The following CA10 variants were observed in gnomAD, a reference collection of about 807,000 sequenced individuals.
CA10 encodes carbonic anhydrase-related protein 10.
CA10 carries 14 observed loss-of-function variants against 44.2 expected under a neutral mutation model. The observed-to-expected ratio is 0.32, with a 90% CI of 0.21 to 0.50. The LOEUF (loss-of-function observed/expected upper bound fraction) is 0.50, where lower values mean the gene tolerates loss of function less well. CA10 is among the 20% of genes least tolerant of loss of function. The pLI, the probability that CA10 is intolerant of heterozygous loss-of-function variation, is 0.99. For missense variants in CA10, 350 were observed against 409.7 expected (o/e 0.85, Z 1.26); for synonymous variants, 159 against 141.6 (o/e 1.12, Z -0.87).
rs533419734 is a variant in CA10, at chr17:51,992,780, T to A, written c.137-61648A>T. Among the ~76,000 whole-genome samples, 22 of 152,232 alleles carry A rather than the reference T, an allele frequency of 1.4e-4. No individual in the cohort carries two copies. The South Asian group carries it at 4.6e-3, about 32-fold the overall frequency. On this transcript the variant is annotated intron_variant, in intron 2 of 8. Transcript: ENST00000451037. ...ACTAAGGTTCCCAAAGTCCAGAGGC[T>A]GAACTAAAAGATAATGGATAGATGA...
rs760052969 is a variant in CA10 at position 51,920,523 on chromosome 17, G to A, written c.279+10467C>T. On this transcript the variant is annotated intron_variant, in intron 3 of 8. Transcript: ENST00000451037. ...AAGTCCTTTCTAATACCCACAGGAG[G>A]AGTAAAGAATGAGAGAGAATTAGAG... Among the ~76,000 whole-genome samples the A allele has an allele frequency of 6.6e-5, 10 of 152,274 alleles. No individual in the cohort carries two copies. The East Asian group carries it at 1.2e-3, about 18-fold the overall frequency.
At chr17:52,146,893 C>G (rs1307070968) in intron 1 of CA10, among the ~76,000 whole-genome samples, 1 of 152,052 alleles carries the variant, frequency 6.6e-6, no homozygotes, top group Non-Finnish European at 1.5e-5. Flanking sequence ...AACCTTGTGA[C>G]TCCCAAGTCA....
At chr17:51,705,172 C>G (rs947262700) in intron 4 of CA10, among the ~76,000 whole-genome samples, 1 of 152,138 alleles carries the variant, frequency 6.6e-6, no homozygotes, top group Non-Finnish European at 1.5e-5. Context: ...TATGTTCCCT[C>G]TTATTACAAG....
chr17:51,980,403 C>T (rs1984614344), intron 2 of CA10, among the ~76,000 whole-genome samples: 1 of 151,870 alleles, frequency 6.6e-6, no homozygotes, highest in Non-Finnish European at 1.5e-5. Context: ...ATTTAAGTTC[C>T]TTATATATAT....
intron 3 of CA10, among the ~76,000 whole-genome samples, chr17:51,786,791 G>A (rs907608987): frequency 6.6e-6 from 1 of 152,002 alleles, no homozygotes; most frequent in Non-Finnish European, 1.5e-5. Context: ...TCCCCATTCA[G>A]TATGATACTA....
At chr17:51,709,496 G>C (rs868447300) in intron 4 of CA10, among the ~76,000 whole-genome samples, 4 of 152,294 alleles carry the variant, frequency 2.6e-5, no homozygotes, top group Middle Eastern at 3.4e-3. Context: ...CACAACCTTT[G>C]AAGTGCATTC....
intron 4 of CA10, among the ~76,000 whole-genome samples, chr17:51,680,171 T>C (rs28379961): frequency 0.12 from 18,729 of 152,154 alleles, 2,660 homozygotes; most frequent in African/African-American, 0.34. Context: ...TCATTTCCAG[T>C]TGTATTCATC....
chr17:51,669,789 C>T (rs987732722), intron 4 of CA10, among the ~76,000 whole-genome samples: 1 of 152,202 alleles, frequency 6.6e-6, no homozygotes, highest in Admixed American at 6.5e-5. Flanking sequence ...GTAACACTCA[C>T]CGTGAGGGTC....
intron 2 of CA10, among the ~76,000 whole-genome samples, chr17:51,980,494 T>C (rs952461346): frequency 5.9e-5 from 9 of 152,156 alleles, no homozygotes; most frequent in African/African-American, 2.2e-4. Context: ...TGAGAGTTTC[T>C]TTTGCTGTGC....
At chr17:51,815,497 C>A (rs1907530229) in intron 3 of CA10, among the ~76,000 whole-genome samples, 1 of 152,116 alleles carries the variant, frequency 6.6e-6, no homozygotes, top group Admixed American at 6.6e-5. Context: ...GTGAACTCCT[C>A]CCTGCCTCTT....
At chr17:51,692,970 TAGTC>T (rs1178492699) in intron 4 of CA10, among the ~76,000 whole-genome samples, 2 of 152,204 alleles carry the variant, frequency 1.3e-5, no homozygotes, top group African/African-American at 2.4e-5. Flanking sequence ...CAACAGGTCT[TAGTC>T]AGTTGGTTTC....
At chr17:51,676,672 C>T (rs1914635765) in intron 4 of CA10, among the ~76,000 whole-genome samples, 1 of 152,162 alleles carries the variant, frequency 6.6e-6, no homozygotes, top group Admixed American at 6.5e-5. Flanking sequence ...TTAGAGATAG[C>T]TTTTAGTCTT....
intron 3 of CA10, among the ~76,000 whole-genome samples, chr17:51,840,997 G>A (rs1415623714): frequency 6.6e-6 from 1 of 152,282 alleles, no homozygotes; most frequent in East Asian, 1.9e-4. Context: ...GTAATATTCT[G>A]GAAGGCTAAG....
chr17:51,786,822 A>G (rs1337500251), intron 3 of CA10, among the ~76,000 whole-genome samples: 1 of 152,044 alleles, frequency 6.6e-6, no homozygotes, highest in Non-Finnish European at 1.5e-5. Flanking sequence ...TGTCATATAT[A>G]GCTTTTATTA....
intron 3 of CA10, among the ~76,000 whole-genome samples, chr17:51,812,286 C>G (rs987692964): frequency 6.6e-6 from 1 of 152,160 alleles, no homozygotes; most frequent in Non-Finnish European, 1.5e-5. Context: ...TTTACTAATT[C>G]TTTTCATAAT....
intron 4 of CA10, among the ~76,000 whole-genome samples, chr17:51,720,791 C>T (rs1238728131): frequency 6.6e-6 from 1 of 152,042 alleles, no homozygotes; most frequent in African/African-American, 2.4e-5. Flanking sequence ...TAGAAAATTT[C>T]AGGTAGACTG....
At chr17:51,788,721 G>A (rs754910723) in intron 3 of CA10, among the ~76,000 whole-genome samples, 2 of 152,152 alleles carry the variant, frequency 1.3e-5, no homozygotes, top group African/African-American at 2.4e-5. Context: ...ACACTTCAAT[G>A]GTTCTTAGAA....
chr17:51,803,340 G>A (rs1488192223), intron 3 of CA10, among the ~76,000 whole-genome samples: 1 of 152,104 alleles, frequency 6.6e-6, no homozygotes, highest in Non-Finnish European at 1.5e-5. Flanking sequence ...CAAAGTAGCA[G>A]CAGGACTGGA....
At chr17:52,042,347 T>C (rs1011306843) in intron 2 of CA10, among the ~76,000 whole-genome samples, 5 of 152,106 alleles carry the variant, frequency 3.3e-5, no homozygotes, top group African/African-American at 1.2e-4. Flanking sequence ...TGATTAATGA[T>C]GTTAAATGCC....
Sources: gnomAD v4.1 joint callset for allele counts (sites outside exome capture counted in the v4.1 genomes callset) on GRCh38, gnomAD v4.1.1 for gene constraint, MANE v1.5 for transcripts, NCBI Gene and HGNC (gene_info 2026-07-23, HGNC 2026-07-21) for gene names.